ENOX1: variants seen among roughly 807,000 people sequenced by gnomAD.
ENOX1 encodes ecto-NOX disulfide-thiol exchanger 1, also known as candidate growth-related and time keeping constitutive hydroquinone (NADH) oxidase.
A neutral mutation model predicts 82.5 loss-of-function variants in ENOX1; 42 were observed. The observed-to-expected ratio is 0.51, with a 90% CI of 0.40 to 0.66. The LOEUF is 0.66. Among genes scored for constraint, ENOX1 ranks in the 30% least tolerant of loss-of-function variants. The pLI, the probability that ENOX1 is intolerant of heterozygous loss-of-function variation, is 0.00. For synonymous variants in ENOX1, 271 were observed against 282.2 expected (o/e 0.96, Z 0.40); for missense variants, 608 against 811.6 (o/e 0.75, Z 3.05).
At chr13:43,603,431 C>T (rs2081825924) in intron 2 of ENOX1, among the ~76,000 whole-genome samples, 1 of 151,352 alleles carries the variant, frequency 6.6e-6, no homozygotes, top group Non-Finnish European at 1.5e-5. Flanking sequence ...TACATGTACA[C>T]AATGTGCAGG....
intron 1 of ENOX1, among the ~76,000 whole-genome samples, chr13:43,671,699 G>A (rs532887252): frequency 1.3e-5 from 2 of 152,254 alleles, no homozygotes; most frequent in African/African-American, 4.8e-5. Context: ...GATCAGGAAA[G>A]GGACTGGAAT....
rs150737519 is a variant in ENOX1 at position 43,424,862 on chromosome 13, A to G, written c.-74-11874T>C. ...AGTAACCCAGAAGGCATGATGGGGTAGTTAGGGGAGGGCTATGGGGGCACA... is the reference window on the plus strand; with the variant it reads ...AGTAACCCAGAAGGCATGATGGGGTGGTTAGGGGAGGGCTATGGGGGCACA... On this transcript the variant is annotated intron_variant, in intron 3 of 16. Transcript: ENST00000690772. Among the ~76,000 whole-genome samples, 39 of 152,232 alleles carry G rather than the reference A, an allele frequency of 2.6e-4. No individual in the cohort carries two copies. The Middle Eastern group carries it at 0.01, about 40-fold the overall frequency.
At chr13:43,253,334 T>C (rs1361870500) in intron 14 of ENOX1, among the ~76,000 whole-genome samples, 1 of 152,242 alleles carries the variant, frequency 6.6e-6, no homozygotes, top group African/African-American at 2.4e-5. Flanking sequence ...CCTTGTCATT[T>C]TCCTACATAT....
At chr13:43,217,829 C>G (rs540132704) in intron 16 of ENOX1, among the ~76,000 whole-genome samples, 2 of 152,230 alleles carry the variant, frequency 1.3e-5, no homozygotes, top group Non-Finnish European at 2.9e-5. Context: ...AGCCTTAGGA[C>G]AAGCCATTCA....
intron 2 of ENOX1, among the ~76,000 whole-genome samples, chr13:43,606,882 G>A (rs767143814): frequency 8.5e-5 from 13 of 152,062 alleles, no homozygotes; most frequent in Non-Finnish European, 1.6e-4. Context: ...GCCGGGTATG[G>A]TGGCATGTGC....
At chr13:43,773,634 T>C (rs1278261820) in intron 1 of ENOX1, among the ~76,000 whole-genome samples, 4 of 152,202 alleles carry the variant, frequency 2.6e-5, no homozygotes, top group African/African-American at 9.7e-5. Context: ...GGTATGAATT[T>C]ATAAATTACT....
At chr13:43,430,041 T>A (rs1422889335) in intron 3 of ENOX1, among the ~76,000 whole-genome samples, 2 of 152,226 alleles carry the variant, frequency 1.3e-5, no homozygotes, top group Non-Finnish European at 2.9e-5. Context: ...AGTGAATGCA[T>A]ATAAAGTGTA....
chr13:43,608,062 G>A (rs1021226779), intron 2 of ENOX1, among the ~76,000 whole-genome samples: 11 of 152,086 alleles, frequency 7.2e-5, no homozygotes, highest in African/African-American at 2.4e-4. Context: ...ACCACTTTAC[G>A]ATATCTTCCT....
At chr13:43,405,438 A>G (rs963222614) in intron 5 of ENOX1, among the ~76,000 whole-genome samples, 8 of 152,116 alleles carry the variant, frequency 5.3e-5, no homozygotes, top group African/African-American at 1.7e-4. Context: ...TGCCAGGCCC[A>G]TAAATCTCCC....
At chr13:43,506,069 C>T (rs932244968) in intron 2 of ENOX1, among the ~76,000 whole-genome samples, 26 of 151,958 alleles carry the variant, frequency 1.7e-4, no homozygotes, top group Admixed American at 9.2e-4. Context: ...TGTAGATATG[C>T]GGCATTATTT....
intron 3 of ENOX1, among the ~76,000 whole-genome samples, chr13:43,456,408 T>C (rs1033966570): frequency 2.0e-5 from 3 of 152,164 alleles, no homozygotes; most frequent in African/African-American, 7.2e-5. Context: ...GTGGGTCTAG[T>C]TTCCAAGGGA....
Position 43,663,876 on chromosome 13 carries a change from C to T in ENOX1, c.-219+3603G>A, listed in dbSNP as rs1463382091. On this transcript the variant is annotated intron_variant, in intron 2 of 16. Coordinates refer to ENST00000690772, the MANE Select transcript of ENOX1 (RefSeq NM_001347969.2). ...GAATTCCAAGCTTCTGAGTTCCCTG[C>T]CAAAAGCCACTGCTCTTCTTCCTCA... Among the ~76,000 whole-genome samples, 4 of 152,282 alleles carry T rather than the reference C, an allele frequency of 2.6e-5. No individual in the cohort carries two copies. In the South Asian group the frequency reaches 8.3e-4, roughly 32 times the overall value.
At chr13:43,386,847 A>G (rs550271095) in intron 5 of ENOX1, among the ~76,000 whole-genome samples, 3 of 152,314 alleles carry the variant, frequency 2.0e-5, no homozygotes, top group South Asian at 4.1e-4. Context: ...ATTGCAGCCA[A>G]CTTTTGACAA....
chr13:43,625,987 G>A (rs141126983), intron 2 of ENOX1, among the ~76,000 whole-genome samples: 11 of 151,896 alleles, frequency 7.2e-5, no homozygotes, highest in African/African-American at 2.6e-4. Flanking sequence ...TTCTTTGGGG[G>A]GAGTTTTAAA....
intron 1 of ENOX1, among the ~76,000 whole-genome samples, chr13:43,674,441 T>C (rs1249493059): frequency 1.3e-5 from 2 of 152,128 alleles, no homozygotes; most frequent in Non-Finnish European, 2.9e-5. Context: ...AGACATGGAA[T>C]AACCTTAAAA....
At chr13:43,526,710 A>G (rs1336923807) in intron 2 of ENOX1, among the ~76,000 whole-genome samples, 1 of 152,154 alleles carries the variant, frequency 6.6e-6, no homozygotes, top group African/African-American at 2.4e-5. Flanking sequence ...AGCTATTGTT[A>G]TACTCTAGCC....
intron 2 of ENOX1, chr13:43,548,124 C>A (rs1214567542): frequency 6.6e-6 from 1 of 152,096 alleles, no homozygotes; most frequent in Non-Finnish European, 1.5e-5. Flanking sequence ...AGTTTTAGAA[C>A]TAAGCTTAAA....
At chr13:43,681,686 A>AACACACACACAC (rs3044219) in intron 1 of ENOX1, among the ~76,000 whole-genome samples, 5 of 135,264 alleles carry the variant, frequency 3.7e-5, no homozygotes, top group Admixed American at 2.2e-4. Flanking sequence ...ATAATGCATA[A>AACACACACACAC]ACACACACAC....
chr13:43,713,398 G>A (rs1027719994), intron 1 of ENOX1, among the ~76,000 whole-genome samples: 3 of 152,096 alleles, frequency 2.0e-5, no homozygotes, highest in African/African-American at 4.8e-5. Flanking sequence ...TCTCTGCCCG[G>A]CTTTGGTACC....
Sources: allele counts gnomAD v4.1 joint callset (sites outside exome capture counted in the v4.1 genomes callset), GRCh38; gene constraint gnomAD v4.1.1; transcripts MANE v1.5; gene names NCBI Gene and HGNC (gene_info 2026-07-23, HGNC 2026-07-21).